Variants in ACTR3C observed in about 807,000 individuals in gnomAD.
ACTR3C encodes actin-related protein 3C.
Under a neutral mutation model 26.3 loss-of-function variants are expected in ACTR3C, and 18 were observed. The observed-to-expected ratio is 0.68, with a 90% confidence interval of 0.47 to 1.01. The LOEUF (loss-of-function observed/expected upper bound fraction) is 1.01, where lower values mean the gene tolerates loss of function less well. Among genes scored for constraint, ACTR3C ranks in the 50% least tolerant of loss-of-function variants. The pLI is 0.00. For synonymous variants in ACTR3C, 55 were observed against 94.5 expected, an observed-to-expected ratio of 0.58 and a Z score of 2.42; for missense variants, 184 against 250.7, an observed-to-expected ratio of 0.73 and a Z score of 1.80.
At chr7:149,992,673 C>T in the ACTR3C span, among the ~76,000 whole-genome samples, 27 of 152,274 alleles carry the variant, frequency 1.8e-4, no homozygotes, top group East Asian at 4.6e-3. Flanking sequence ...TAGAAGTGAA[C>T]GTGGCAAAGA....
At chr7:150,043,323 G>A in the ACTR3C span, among the ~76,000 whole-genome samples, 4 of 151,518 alleles carry the variant, frequency 2.6e-5, no homozygotes, top group East Asian at 1.9e-4. Context: ...CCCGCCTTGC[G>A]GGGGGTGTCT....
At chr7:150,079,835 T>C in the ACTR3C span, among the ~76,000 whole-genome samples, 1 of 152,158 alleles carries the variant, frequency 6.6e-6, no homozygotes, top group Non-Finnish European at 1.5e-5. Flanking sequence ...CTCCTGCCAC[T>C]TTGCCCCAGA....
the ACTR3C span, among the ~76,000 whole-genome samples, chr7:149,974,338 C>T: frequency 6.9e-6 from 1 of 145,064 alleles, no homozygotes; most frequent in Non-Finnish European, 1.5e-5. Context: ...GGGAATTTAA[C>T]TCCCATCTCT....
At chr7:150,055,562 T>C in the ACTR3C span, among the ~76,000 whole-genome samples, 102 of 152,230 alleles carry the variant, frequency 6.7e-4, 1 homozygote, top group African/African-American at 2.4e-3. Flanking sequence ...CATTTAGTCT[T>C]TGCAGGACAT....
the ACTR3C span, among the ~76,000 whole-genome samples, chr7:149,980,251 C>T: frequency 6.6e-6 from 1 of 152,194 alleles, no homozygotes; most frequent in African/African-American, 2.4e-5. Context: ...ATCTTGAACA[C>T]ACACTGAGAA....
chr7:150,189,223 C>G, the ACTR3C span, among the ~76,000 whole-genome samples: 1 of 152,082 alleles, frequency 6.6e-6, no homozygotes, highest in African/African-American at 2.4e-5. Flanking sequence ...TAGAGTTTAA[C>G]ATTTTGCTCT....
intron 6 of ACTR3C, among the ~76,000 whole-genome samples, chr7:150,282,870 C>T (rs1835462162): frequency 6.8e-6 from 1 of 147,910 alleles, no homozygotes; most frequent in Non-Finnish European, 1.5e-5. Flanking sequence ...AAAGAAGAAT[C>T]CTCTTCCCTC....
the ACTR3C span, among the ~76,000 whole-genome samples, chr7:149,954,565 C>T: frequency 1.3e-5 from 2 of 152,174 alleles, no homozygotes. Flanking sequence ...AAACCAAATA[C>T]ATTATCCAAT....
At chr7:150,172,530 A>C in the ACTR3C span, among the ~76,000 whole-genome samples, 1 of 150,430 alleles carries the variant, frequency 6.6e-6, no homozygotes, top group African/African-American at 2.5e-5. Flanking sequence ...TCAAGTTGAG[A>C]TTTGGGTAGG....
chr7:150,016,410 T>C, the ACTR3C span, among the ~76,000 whole-genome samples: 1 of 152,078 alleles, frequency 6.6e-6, no homozygotes, highest in African/African-American at 2.4e-5. Flanking sequence ...TTTCTCAGCA[T>C]CCAGGCACAC....
chr7:150,180,223 T>G, the ACTR3C span, among the ~76,000 whole-genome samples: 1 of 149,846 alleles, frequency 6.7e-6, no homozygotes, highest in Non-Finnish European at 1.5e-5. Flanking sequence ...GAGAATGGCG[T>G]GAACCCGGGA....
the ACTR3C span, among the ~76,000 whole-genome samples, chr7:150,080,527 ATGTG>A: frequency 0.15 from 21,571 of 142,306 alleles, 1,708 homozygotes; most frequent in African/African-American, 0.21. Flanking sequence ...TTGTGTGTGT[ATGTG>A]TGTGTGTGTG....
At chr7:150,085,766 T>G in the ACTR3C span, among the ~76,000 whole-genome samples, 1 of 152,106 alleles carries the variant, frequency 6.6e-6, no homozygotes, top group Non-Finnish European at 1.5e-5. Context: ...GATTAAGAAT[T>G]AGATGGTTTG....
chr7:149,920,317 T>C, the ACTR3C span, among the ~76,000 whole-genome samples: 288 of 146,694 alleles, frequency 2.0e-3, no homozygotes, highest in African/African-American at 7.1e-3. Context: ...CTCTTGTTTT[T>C]TCCTTTTGAG....
the ACTR3C span, among the ~76,000 whole-genome samples, chr7:150,050,602 G>C: frequency 6.6e-6 from 1 of 152,198 alleles, no homozygotes. Flanking sequence ...AAGAAACGGA[G>C]GGCAGGGGAG....
the ACTR3C span, among the ~76,000 whole-genome samples, chr7:150,047,359 C>T: frequency 1.3e-4 from 20 of 152,338 alleles, no homozygotes; most frequent in Non-Finnish European, 1.2e-4. Context: ...CCAGCAGGCG[C>T]AGTACCCAAA....
chr7:150,260,050 C>T (rs1019863201), intron 6 of ACTR3C, among the ~76,000 whole-genome samples: 3 of 152,154 alleles, frequency 2.0e-5, no homozygotes, highest in Non-Finnish European at 4.4e-5. Flanking sequence ...TGCTCCAGTG[C>T]CTGTTTTTGC....
chr7:150,223,031 T>C, the ACTR3C span, among the ~76,000 whole-genome samples: 37 of 152,254 alleles, frequency 2.4e-4, no homozygotes, highest in Non-Finnish European at 4.4e-4. Flanking sequence ...TATATTTGTA[T>C]AATCCATACC....
the ACTR3C span, among the ~76,000 whole-genome samples, chr7:150,230,525 C>G: frequency 1.4e-4 from 22 of 152,126 alleles, no homozygotes; most frequent in Admixed American, 1.0e-3. Context: ...CTGAGCTCCC[C>G]CTCCCATCAA....
Sources: allele counts gnomAD v4.1 joint callset (sites outside exome capture counted in the v4.1 genomes callset), GRCh38; gene constraint gnomAD v4.1.1; transcripts MANE v1.5; gene names NCBI Gene and HGNC (gene_info 2026-07-23, HGNC 2026-07-21).